DIP2B: variants seen among roughly 807,000 people sequenced by gnomAD.
The protein encoded by DIP2B is disco-interacting protein 2 homolog B.
Under a neutral mutation model 198.0 loss-of-function variants are expected in DIP2B, and 76 were observed. The observed-to-expected ratio is 0.38, with a 90% confidence interval of 0.32 to 0.46. The LOEUF is 0.46. Ranked by LOEUF, DIP2B falls within the 20% of genes least tolerant of loss-of-function variation. The probability of loss-of-function intolerance (pLI) is 0.99; values close to 1 mark genes in which losing one functional copy is unlikely to be tolerated. For missense variants in DIP2B, 1,559 were observed against 1,978.4 expected (o/e 0.79, Z 4.02); for synonymous variants, 701 against 739.1 (o/e 0.95, Z 0.84).
intron 34 of DIP2B, among the ~76,000 whole-genome samples, chr12:50,736,690 G>A (rs948242577): frequency 2.6e-5 from 4 of 152,280 alleles, no homozygotes; most frequent in Middle Eastern, 6.8e-3. Flanking sequence ...TCATTCCAGT[G>A]AATGAGAAAG....
At chr12:50,723,736 C>G (rs528151411) in intron 27 of DIP2B, among the ~76,000 whole-genome samples, 2 of 151,898 alleles carry the variant, frequency 1.3e-5, no homozygotes, top group East Asian at 3.9e-4. Flanking sequence ...TGAGCAGACC[C>G]TGTCGCCAAA....
chr12:50,720,291 G>C (rs1285255047), intron 25 of DIP2B, among the ~76,000 whole-genome samples: 1 of 152,010 alleles, frequency 6.6e-6, no homozygotes, highest in East Asian at 1.9e-4. Flanking sequence ...GTTGATGTCT[G>C]AGTCACAGGC....
chr12:50,641,354 C>CA (rs977452042), intron 3 of DIP2B, among the ~76,000 whole-genome samples: 6 of 151,368 alleles, frequency 4.0e-5, no homozygotes, highest in African/African-American at 1.5e-4. Context: ...GACTGCATCT[C>CA]AAAAAAAATA....
intron 30 of DIP2B, among the ~76,000 whole-genome samples, chr12:50,729,724 TTTTTTC>T (rs1450101884): frequency 6.8e-6 from 1 of 146,338 alleles, no homozygotes; most frequent in African/African-American, 2.5e-5. Context: ...CTTTTTTCTT[TTTTTTC>T]TTTTTCTTTT....
intron 2 of DIP2B, among the ~76,000 whole-genome samples, chr12:50,630,671 T>C (rs913284375): frequency 5.5e-4 from 77 of 140,652 alleles, no homozygotes; most frequent in African/African-American, 1.9e-3. Flanking sequence ...TTCTTTTTTT[T>C]TTTTTTTTTT....
At chr12:50,554,757 G>GT (rs1958455055) in intron 1 of DIP2B, among the ~76,000 whole-genome samples, 1 of 150,888 alleles carries the variant, frequency 6.6e-6, no homozygotes, top group African/African-American at 2.4e-5. Flanking sequence ...ACATCTCGCC[G>GT]CTCCCCCCCC....
intron 1 of DIP2B, among the ~76,000 whole-genome samples, chr12:50,601,419 A>G (rs1958935678): frequency 1.3e-5 from 2 of 151,062 alleles, no homozygotes; most frequent in Non-Finnish European, 2.9e-5. Flanking sequence ...ATCTCGACTC[A>G]CTGCAAGCTC....
At chr12:50,622,356 G>A (rs1041210432) in intron 1 of DIP2B, among the ~76,000 whole-genome samples, 54 of 152,216 alleles carry the variant, frequency 3.5e-4, no homozygotes, top group African/African-American at 1.3e-3. Flanking sequence ...TAGGGAAACA[G>A]ATGAAGGACC....
chr12:50,723,242 G>A lies in DIP2B; in HGVS notation c.3207G>A (p.Ala1069=), dbSNP rs372566205. ...CCGCCTTCTATGGCTGCCTGTATGC[G>A]GGCTGTATACCTGTGACCGTCAGAC... ...LIAAFYGCLY[A]GCIPVTVRPP... The change falls in exon 27 of 38, where the codon GCG becomes GCA. Residue 1069 remains alanine, a synonymous_variant. Transcript: ENST00000301180. The A allele has an allele frequency of 1.1e-5, 18 of 1,613,946 alleles. No individual in the cohort carries two copies. In the African/African-American group the frequency reaches 1.7e-4, roughly 16 times the overall value.
At chr12:50,591,413 TGGG>T (rs1958817216) in intron 1 of DIP2B, among the ~76,000 whole-genome samples, 1 of 152,034 alleles carries the variant, frequency 6.6e-6, no homozygotes, top group Non-Finnish European at 1.5e-5. Flanking sequence ...TTAAAATTCT[TGGG>T]GGTGAGATCC....
intron 1 of DIP2B, among the ~76,000 whole-genome samples, chr12:50,539,167 A>T (rs1378947883): frequency 6.7e-6 from 1 of 150,302 alleles, no homozygotes; most frequent in East Asian, 1.9e-4. Flanking sequence ...TTTCATTAGG[A>T]TGTGTCTAGG....
At chr12:50,640,691 C>A in intron 2 of DIP2B, 33 bp from the exon 3 acceptor site, 6 of 1,608,926 alleles carry the variant, frequency 3.7e-6, no homozygotes, top group Non-Finnish European at 4.2e-6. Flanking sequence ...ATTACTGTTA[C>A]TGGATAACCA....
chr12:50,724,729 T>C, intron 27 of DIP2B, 46 bp from the exon 28 acceptor site: 1 of 1,574,938 alleles, frequency 6.3e-7, no homozygotes, highest in Non-Finnish European at 8.7e-7. Flanking sequence ...GGTGCCATGT[T>C]GGGGCTGAGC....
intron 3 of DIP2B, 35 bp downstream of exon 3, chr12:50,640,887 TTTTCC>T (rs773366136): frequency 6.2e-7 from 1 of 1,602,736 alleles, no homozygotes; most frequent in Admixed American, 1.7e-5. Flanking sequence ...AGCTGAATCG[TTTTCC>T]TAACAGTAGT....
intron 7 of DIP2B, among the ~76,000 whole-genome samples, chr12:50,677,881 A>G (rs1271861598): frequency 1.3e-5 from 2 of 151,910 alleles, no homozygotes; most frequent in African/African-American, 4.8e-5. Flanking sequence ...CCTTTCCTCA[A>G]GAAGCCATCA....
chr12:50,608,814 C>T (rs147294611), intron 1 of DIP2B, among the ~76,000 whole-genome samples: 1 of 152,176 alleles, frequency 6.6e-6, no homozygotes, highest in Non-Finnish European at 1.5e-5. Context: ...CAGCCTAGAA[C>T]AAAATTTCAT....
intron 28 of DIP2B, among the ~76,000 whole-genome samples, chr12:50,727,473 A>G (rs1467504972): frequency 6.6e-6 from 1 of 152,230 alleles, no homozygotes; most frequent in Non-Finnish European, 1.5e-5. Context: ...CTAAGCTGCT[A>G]GCAGATACAT....
At chr12:50,571,308 A>C (rs936964459) in intron 1 of DIP2B, among the ~76,000 whole-genome samples, 5 of 151,430 alleles carry the variant, frequency 3.3e-5, no homozygotes, top group Admixed American at 3.3e-4. Context: ...AGTAGCTGGG[A>C]CTACGGGTGT....
intron 2 of DIP2B, among the ~76,000 whole-genome samples, chr12:50,636,960 C>T (rs1938171429): frequency 6.6e-6 from 1 of 152,182 alleles, no homozygotes; most frequent in African/African-American, 2.4e-5. Context: ...CACTCTCGTT[C>T]CTCTCTTGCC....
Sources: allele counts gnomAD v4.1 joint callset (sites outside exome capture counted in the v4.1 genomes callset), GRCh38; gene constraint gnomAD v4.1.1; transcripts MANE v1.5; gene names NCBI Gene and HGNC (gene_info 2026-07-23, HGNC 2026-07-21).